The following NUP210L variants were observed in gnomAD, a reference collection of about 807,000 sequenced individuals.
NUP210L encodes the protein nuclear pore membrane glycoprotein 210-like.
In NUP210L, 74 loss-of-function variants were observed where a neutral mutation model predicts 208.5. That is an observed-to-expected ratio of 0.35 (90% CI 0.29 to 0.43). The LOEUF is 0.43. NUP210L is among the 20% of genes least tolerant of loss of function. The pLI is 1.00. For missense variants in NUP210L, 1,843 were observed against 2,289.4 expected (o/e 0.81, Z 3.98); for synonymous variants, 780 against 816.9 (o/e 0.95, Z 0.77).
At chr1:154,039,337 G>A (rs1398329810) in intron 27 of NUP210L, among the ~76,000 whole-genome samples, 2 of 151,314 alleles carry the variant, frequency 1.3e-5, no homozygotes, top group African/African-American at 2.4e-5. Context: ...GAGTTCAAGC[G>A]ATTCTCCTGC....
chr1:154,058,291 T>C lies in NUP210L; in HGVS notation c.2980-75A>G, dbSNP rs930357669. ...TGGCAGTCTAACTCTTAGAGGGCAG[T>C]GTACTTTTTTTTTCTTTCATGCTAA... On this transcript the variant is annotated intron_variant, in intron 21 of 39. Coordinates refer to ENST00000368559, the Ensembl canonical transcript of NUP210L. 3.3e-6 allele frequency: 5 copies of C among 1,497,244 alleles called. No homozygotes were observed. In the African/African-American group the frequency reaches 4.2e-5, roughly 13 times the overall value. 92.7% of individuals were successfully genotyped at this position (1,497,244 alleles called of 1,614,324 possible).
chr1:154,124,490 T>C (rs145854933), intron 10 of NUP210L, among the ~76,000 whole-genome samples: 313 of 152,290 alleles, frequency 2.1e-3, no homozygotes, highest in African/African-American at 7.0e-3. Flanking sequence ...AATAACTCCA[T>C]TTCTGTTGTT....
intron 10 of NUP210L, among the ~76,000 whole-genome samples, chr1:154,123,704 C>T (rs1481175416): frequency 1.3e-5 from 2 of 151,718 alleles, no homozygotes; most frequent in Admixed American, 6.6e-5. Flanking sequence ...ATAGTAAAAC[C>T]TTGTCTCTAC....
At chr1:154,025,355 C>CTT (rs11326284) in intron 30 of NUP210L, among the ~76,000 whole-genome samples, 187 bp downstream of exon 30, 4 of 125,852 alleles carry the variant, frequency 3.2e-5, no homozygotes, top group Non-Finnish European at 4.9e-5. Flanking sequence ...TCTTCTTCTC[C>CTT]TTTTTTTTTT....
At chr1:154,072,327 CTTTTTTTTTTTTTT>C (rs1213732819) in intron 16 of NUP210L, among the ~76,000 whole-genome samples, 1 of 80,248 alleles carries the variant, frequency 1.2e-5, no homozygotes, top group African/African-American at 4.3e-5. Context: ...ATGGCCATTC[CTTTTTTTTTTTTTT>C]TTTTTTTTTG....
chr1:154,055,758 T>C (rs1653832345), intron 23 of NUP210L, among the ~76,000 whole-genome samples: 1 of 152,206 alleles, frequency 6.6e-6, no homozygotes, highest in African/African-American at 2.4e-5. Context: ...CACAAAGATA[T>C]GTAATTTTAT....
chr1:154,089,323 T>A, intron 16 of NUP210L, 98 bp downstream of exon 16: 1 of 998,562 alleles, frequency 1.0e-6, no homozygotes, highest in Non-Finnish European at 1.5e-6. Context: ...ATCTGGCAAT[T>A]CTACTTCTGG....
chr1:154,095,272 T>A, intron 14 of NUP210L, 116 bp from the exon 15 acceptor site: 1 of 759,710 alleles, frequency 1.3e-6, no homozygotes, highest in Non-Finnish European at 2.1e-6. Context: ...ATTCCCAAAT[T>A]AAGAGATATG....
At chr1:154,153,580 G>A (rs1488285883) in intron 1 of NUP210L, among the ~76,000 whole-genome samples, 1 of 152,180 alleles carries the variant, frequency 6.6e-6, no homozygotes, top group Non-Finnish European at 1.5e-5. Flanking sequence ...AAAGTGCTGG[G>A]ATTACAGGCG....
At chr1:154,009,792 C>CAAAAAAAA (rs373230285) in intron 35 of NUP210L, among the ~76,000 whole-genome samples, 180 bp downstream of exon 35, 1 of 64,562 alleles carries the variant, frequency 1.5e-5, no homozygotes, top group African/African-American at 5.1e-5. Flanking sequence ...GACCCAGTCT[C>CAAAAAAAA]AAAAAAAAAA....
chr1:154,030,508 G>A (rs1571190524), intron 27 of NUP210L, among the ~76,000 whole-genome samples: 1 of 152,012 alleles, frequency 6.6e-6, no homozygotes, highest in African/African-American at 2.4e-5. Context: ...ATGTTGCTCA[G>A]GCTGGTCTTG....
At chr1:154,123,740 T>C (rs868840164) in intron 10 of NUP210L, among the ~76,000 whole-genome samples, 2 of 151,508 alleles carry the variant, frequency 1.3e-5, no homozygotes, top group South Asian at 2.1e-4. Flanking sequence ...TAGCCAGCCA[T>C]TGTGGCATGA....
exon 40 of NUP210L, chr1:153,992,883 T>C (rs2147870732): frequency 6.2e-7 from 1 of 1,613,452 alleles, no homozygotes; most frequent in East Asian, 2.2e-5. Flanking sequence ...TTTGGGCCAA[T>C]GGAGGTTGTA....
chr1:154,060,945 T>C (rs1236282318), exon 19 of NUP210L: 1 of 1,598,784 alleles, frequency 6.3e-7, no homozygotes, highest in East Asian at 2.2e-5. Flanking sequence ...CTTCTACCTT[T>C]ACATCAGGGT....
At chr1:154,138,883 G>C (rs1047315162) in intron 5 of NUP210L, among the ~76,000 whole-genome samples, 1 of 152,066 alleles carries the variant, frequency 6.6e-6, no homozygotes, top group African/African-American at 2.4e-5. Flanking sequence ...CTATCAATTA[G>C]GTATAAGTGA....
At chr1:154,005,373 C>G (rs9700537) in intron 35 of NUP210L, among the ~76,000 whole-genome samples, 2 of 148,904 alleles carry the variant, frequency 1.3e-5, no homozygotes, top group Non-Finnish European at 3.0e-5. Flanking sequence ...ACCCAAGTAG[C>G]GTGAGCCACC....
At chr1:154,058,193 T>A (rs1218243950) in exon 22 of NUP210L, 2 of 1,614,132 alleles carry the variant, frequency 1.2e-6, no homozygotes, top group Non-Finnish European at 1.7e-6. Flanking sequence ...TCACAGTCAC[T>A]AACACAGTTT....
intron 12 of NUP210L, among the ~76,000 whole-genome samples, chr1:154,108,012 C>A (rs1571281685): frequency 6.6e-6 from 1 of 152,272 alleles, no homozygotes; most frequent in Admixed American, 6.5e-5. Context: ...ATTTAAACTA[C>A]TGATACCTTG....
intron 14 of NUP210L, 138 bp downstream of exon 14, chr1:154,099,860 A>AAAC: frequency 1.2e-6 from 1 of 860,858 alleles, no homozygotes; most frequent in Non-Finnish European, 1.8e-6. Context: ...GTAGATCTAA[A>AAAC]AACAAAAAAG....
Sources: gnomAD v4.1 joint callset for allele counts (sites outside exome capture counted in the v4.1 genomes callset) on GRCh38, gnomAD v4.1.1 for gene constraint, MANE v1.5 for transcripts, NCBI Gene and HGNC (gene_info 2026-07-23, HGNC 2026-07-21) for gene names.